SMAD9: variants seen among roughly 807,000 people sequenced by gnomAD.
SMAD9 encodes MAD homolog 9.
Under a neutral mutation model 46.1 loss-of-function variants are expected in SMAD9, and 36 were observed. The observed-to-expected ratio is 0.78, with a 90% CI of 0.60 to 1.03. SMAD9 has a LOEUF of 1.03. SMAD9 is among the 50% of genes least tolerant of loss of function. The pLI is 0.00. For missense variants in SMAD9, 572 were observed against 599.8 expected (o/e 0.95, Z 0.48); for synonymous variants, 245 against 237.1 (o/e 1.03, Z -0.31).
In SMAD9 at chr13:36,848,293, T is replaced by TA. The variant is rs200205360; in HGVS notation, c.*382dup. On this transcript the variant is annotated 3_prime_UTR_variant, in exon 7 of 7. Coordinates refer to ENST00000379826, the MANE Select transcript of SMAD9 (RefSeq NM_001127217.3). Reference sequence around the variant, plus strand: ...GTGATATTTGCTTTAGTGCTGCTAATACCTGACTTTTGCTGTATAAACAGT... The same window carrying TA: ...GTGATATTTGCTTTAGTGCTGCTAATAACCTGACTTTTGCTGTATAAACAGT... The TA allele has an allele frequency of 5.1e-3, 1,188 of 231,350 alleles. 11 individuals carry two copies. Among genetic ancestry groups the TA allele is most frequent in the African/African-American group, 0.025 (1,119 of 43,980 alleles). 14.3% of individuals were successfully genotyped at this position (231,350 alleles called of 1,614,324 possible).
intron 1 of SMAD9, among the ~76,000 whole-genome samples, chr13:36,903,197 G>A (rs1337545405): frequency 2.1e-5 from 3 of 145,782 alleles, no homozygotes; most frequent in African/African-American, 5.1e-5. Context: ...CGCCATCTTA[G>A]CTCACTGCAA....
At chr13:36,899,594 T>C (rs2058557044) in intron 1 of SMAD9, among the ~76,000 whole-genome samples, 1 of 152,098 alleles carries the variant, frequency 6.6e-6, no homozygotes, top group African/African-American at 2.4e-5. Context: ...AAGACATCCA[T>C]CTTGGATTTA....
Position 36,845,560 on chromosome 13 carries a change from T to C in SMAD9, c.*3116A>G, listed in dbSNP as rs1049684863. ...GTCCGTGGCAACCTTAAACGTGTGC[T>C]GCAGTGCTGATGTATTTATAGGCTT... On this transcript the variant is annotated 3_prime_UTR_variant, in exon 7 of 7. Coordinates refer to ENST00000379826, the MANE Select transcript of SMAD9 (RefSeq NM_001127217.3). The C allele has an allele frequency of 6.6e-6, 1 of 152,240 alleles. No homozygotes were observed. Among genetic ancestry groups the C allele is most frequent in the East Asian group, 1.9e-4 (1 of 5,200 alleles). The allele number at this position is 152,240 out of a possible 1,614,324, so 9.4% of individuals were successfully genotyped here. A position where few individuals can be genotyped will look rare whatever the true frequency, so the allele number is the denominator to read the frequency against.
At chr13:36,913,292 G>A (rs1484767521) in intron 1 of SMAD9, among the ~76,000 whole-genome samples, 1 of 152,146 alleles carries the variant, frequency 6.6e-6, no homozygotes, top group Non-Finnish European at 1.5e-5. Flanking sequence ...ACTACACTAT[G>A]AAATCCTGGA....
chr13:36,858,694 T>C (rs546311772), intron 5 of SMAD9, among the ~76,000 whole-genome samples: 1 of 152,218 alleles, frequency 6.6e-6, no homozygotes, highest in Admixed American at 6.5e-5. Flanking sequence ...GAAAGCCCAC[T>C]ATAGAAAATT....
chr13:36,891,094 G>A (rs765395100), intron 1 of SMAD9, among the ~76,000 whole-genome samples: 2 of 151,910 alleles, frequency 1.3e-5, no homozygotes, highest in African/African-American at 4.8e-5. Flanking sequence ...CCTCCTTCCC[G>A]CTTTGGTCCT....
chr13:36,852,002 C>T (rs1431923449), intron 6 of SMAD9: 1 of 983,134 alleles, frequency 1.0e-6, no homozygotes, highest in Non-Finnish European at 1.2e-6. Context: ...CAAATGATGC[C>T]CTCTGCCGTT....
intron 3 of SMAD9, among the ~76,000 whole-genome samples, chr13:36,867,842 G>A (rs1211616595): frequency 2.0e-5 from 3 of 152,130 alleles, no homozygotes; most frequent in African/African-American, 7.2e-5. Context: ...TACCTGAAAC[G>A]TAATTATAAC....
At chr13:36,853,277 T>A (rs961547591) in intron 6 of SMAD9, 142 bp downstream of exon 6, 2 of 803,226 alleles carry the variant, frequency 2.5e-6, no homozygotes, top group Non-Finnish European at 4.0e-6. Context: ...AGAGTGAAAC[T>A]CCGTCTCAAA....
At chr13:36,885,325 T>C (rs1392658607) in intron 1 of SMAD9, among the ~76,000 whole-genome samples, 1 of 152,144 alleles carries the variant, frequency 6.6e-6, no homozygotes, top group Non-Finnish European at 1.5e-5. Flanking sequence ...ATTATCACCA[T>C]TGGCACACAT....
chr13:36,898,734 T>C (rs571256136), intron 1 of SMAD9, among the ~76,000 whole-genome samples: 4 of 152,190 alleles, frequency 2.6e-5, no homozygotes, highest in Non-Finnish European at 5.9e-5. Context: ...TTTAAAAAAT[T>C]ATTAATTCTC....
At chr13:36,909,845 A>G (rs935664236) in intron 1 of SMAD9, among the ~76,000 whole-genome samples, 14 of 152,204 alleles carry the variant, frequency 9.2e-5, no homozygotes, top group Non-Finnish European at 1.9e-4. Flanking sequence ...ACATGGAGGT[A>G]TACTTCTGTT....
chr13:36,869,238 CT>C (rs563733584), intron 3 of SMAD9, among the ~76,000 whole-genome samples: 389 of 140,826 alleles, frequency 2.8e-3, no homozygotes, highest in Middle Eastern at 3.6e-3. Flanking sequence ...TCAGATTGTA[CT>C]TTTTTTTTTT....
chr13:36,859,677 C>A (rs2138335701), intron 5 of SMAD9, among the ~76,000 whole-genome samples: 1 of 152,222 alleles, frequency 6.6e-6, no homozygotes, highest in African/African-American at 2.4e-5. Context: ...CAGGAAATAA[C>A]CAGCCAGGCA....
intron 1 of SMAD9, among the ~76,000 whole-genome samples, chr13:36,912,708 ATCTCTAAGT>A (rs2058671022): frequency 6.6e-6 from 1 of 152,202 alleles, no homozygotes; most frequent in Non-Finnish European, 1.5e-5. Context: ...TGTTCTCAGC[ATCTCTAAGT>A]TCTCATAAGG....
chr13:36,906,658 C>T (rs1160497532), intron 1 of SMAD9, among the ~76,000 whole-genome samples: 1 of 152,164 alleles, frequency 6.6e-6, no homozygotes, highest in Non-Finnish European at 1.5e-5. Context: ...GGTTCAACAT[C>T]ATTAGTTACT....
At chr13:36,874,639 C>G (rs1225354402) in intron 2 of SMAD9, among the ~76,000 whole-genome samples, 1 of 151,978 alleles carries the variant, frequency 6.6e-6, no homozygotes, top group Non-Finnish European at 1.5e-5. Flanking sequence ...AGGTGGATCA[C>G]GAGGTCAGGA....
chr13:36,857,326 T>C (rs2058136440), intron 5 of SMAD9, among the ~76,000 whole-genome samples: 1 of 152,132 alleles, frequency 6.6e-6, no homozygotes, highest in Non-Finnish European at 1.5e-5. Context: ...CTCCTAGCAA[T>C]AAGGAATAAA....
In SMAD9 at chr13:36,903,126, G is replaced by GTT. The variant is rs375828906; in HGVS notation, c.-187+16988_-187+16989dup. 2.5e-3 allele frequency among the ~76,000 whole-genome samples: 313 copies of GTT among 127,600 alleles called. 2 individuals are homozygous for GTT. Among genetic ancestry groups the GTT allele is most frequent in the African/African-American group, 6.0e-3 (207 of 34,606 alleles). 83.7% of individuals were successfully genotyped at this position (127,600 alleles called of 152,430 possible). On this transcript the variant is annotated intron_variant, in intron 1 of 6. Coordinates refer to ENST00000379826, the MANE Select transcript of SMAD9 (RefSeq NM_001127217.3). ...GGGCTCTTTCTTTTTTTTTCTTTTGGTTTTTTTTTTTTTTTTTTGAGACAG... is the reference window on the plus strand; with the variant it reads ...GGGCTCTTTCTTTTTTTTTCTTTTGGTTTTTTTTTTTTTTTTTTTTGAGACAG...
Sources: allele counts gnomAD v4.1 joint callset (sites outside exome capture counted in the v4.1 genomes callset), GRCh38; gene constraint gnomAD v4.1.1; transcripts MANE v1.5; gene names NCBI Gene and HGNC (gene_info 2026-07-23, HGNC 2026-07-21).